Variants in GABRE observed in about 807,000 individuals in gnomAD.
GABRE encodes the protein gamma-aminobutyric acid type A receptor subunit epsilon, also known as gamma-aminobutyric acid receptor subunit epsilon.
Under a neutral mutation model 31.0 loss-of-function variants are expected in GABRE, and 20 were observed. That is an observed-to-expected ratio of 0.64 (90% CI 0.45 to 0.94). The LOEUF is 0.94. Ranked by LOEUF, GABRE falls within the 40% of genes least tolerant of loss-of-function variation. The pLI, the probability that GABRE is intolerant of heterozygous loss-of-function variation, is 0.00. For synonymous variants in GABRE, 155 were observed against 150.6 expected (o/e 1.03, Z -0.21); for missense variants, 420 against 410.7 (o/e 1.02, Z -0.20).
chrX:151,969,885 C>G, intron 2 of GABRE, 149 bp from the exon 3 acceptor site: 2 of 1,084,223 alleles, frequency 1.8e-6, no homozygotes, highest in Non-Finnish European at 2.4e-6. Flanking sequence ...TTTATTCTTT[C>G]ATGGCAAAAC....
rs369625982 is a variant in GABRE, at chrX:151,969,725, C to T, written c.286G>A (p.Val96Met). ...TTGACGGAGATCTCAACAGTGACCA[C>T]AGTGGGCTTCTCTATAAGGGAAGCA... Reference protein sequence around the residue: ...LRPGIGEKPTVVTVEISVNSL... With the variant: ...LRPGIGEKPTMVTVEISVNSL... Residue 96 changes from valine (V) to methionine (M), a missense_variant, in exon 3 of 9, where the codon GTG becomes ATG. Coordinates refer to ENST00000370328, the MANE Select transcript of GABRE (RefSeq NM_004961.4). 17 of 1,207,648 alleles carry T rather than the reference C, an allele frequency of 1.4e-5. No homozygotes were observed. The highest frequency in any genetic ancestry group is 1.1e-4 in the African/African-American group (6 of 56,887).
chrX:151,955,910 C>G, intron 6 of GABRE, 50 bp from the exon 7 acceptor site: 1 of 1,159,006 alleles, frequency 8.6e-7, no homozygotes, highest in Non-Finnish European at 1.2e-6. Flanking sequence ...CACGACGGTC[C>G]CCCTTAGCAG....
intron 1 of GABRE, 68 bp from the exon 2 acceptor site, chrX:151,970,470 G>A: frequency 1.8e-6 from 2 of 1,126,899 alleles, no homozygotes; most frequent in Non-Finnish European, 2.4e-6. Flanking sequence ...AGTGCCTCTT[G>A]GGACAGAAGC....
chrX:151,967,509 C>A (rs1224048373), intron 3 of GABRE, among the ~76,000 whole-genome samples: 1 of 112,019 alleles, frequency 8.9e-6, no homozygotes. Flanking sequence ...TCAACAGTGA[C>A]AACAATGGTG....
At chrX:151,957,275 GTAC>G (rs1464992105) in intron 6 of GABRE, 1 of 234,426 alleles carries the variant, frequency 4.3e-6, no homozygotes, top group Non-Finnish European at 7.9e-6. Flanking sequence ...GCAGCCTTTC[GTAC>G]TCACCTTGGC....
rs1934144359 is a variant in GABRE, at chrX:151,955,732, A to C, written c.913T>G (p.Ser305Ala). ...SWVSFWIKTE[S>A]APARTSLGIT... ...CCTAGAGAGGTCCGGGCTGGAGCAG[A>C]CTCTGTCTTGATCCAAAAGGAAACC... Residue 305 changes from serine (S) to alanine (A), a missense_variant, in exon 7 of 9, where the codon TCT (serine) becomes GCT (alanine). Ser to Ala is a moderately conservative substitution (Grantham distance 99). Transcript: ENST00000370328. The C allele has an allele frequency of 8.3e-7, 1 of 1,211,780 alleles. No individual in the cohort carries two copies. Among genetic ancestry groups the C allele is most frequent in the Non-Finnish European group, 1.1e-6 (1 of 895,515 alleles).
Position 151,974,675 on chromosome X carries a change from C to T in GABRE, c.-50G>A. 3 of 942,665 alleles carry T rather than the reference C, an allele frequency of 3.2e-6. No individual in the cohort carries two copies. Among genetic ancestry groups the T allele is most frequent in the Non-Finnish European group, 4.4e-6 (3 of 674,867 alleles). The allele number at this position is 942,665 out of a possible 1,213,427, so 77.7% of individuals were successfully genotyped here. On this transcript the variant is annotated 5_prime_UTR_variant, in exon 1 of 9. Transcript: ENST00000370328. Reference sequence around the variant, plus strand: ...CTGCGCGGAGGTCGCGGCTCACGCTCTGGCCGCACTGAGCGCGGGGCGGAG... The same window carrying T: ...CTGCGCGGAGGTCGCGGCTCACGCTTTGGCCGCACTGAGCGCGGGGCGGAG...
At chrX:151,963,708 G>A (rs976646661) in intron 3 of GABRE, among the ~76,000 whole-genome samples, 1 of 112,399 alleles carries the variant, frequency 8.9e-6, no homozygotes, top group African/African-American at 3.2e-5. Flanking sequence ...AGGTATACAT[G>A]ATCAACATGA....
intron 3 of GABRE, 132 bp from the exon 4 acceptor site, chrX:151,962,775 C>A: frequency 5.7e-6 from 3 of 527,447 alleles, no homozygotes; most frequent in Non-Finnish European, 9.6e-6. Context: ...GAGCACTAGA[C>A]CAGGAAGCAG....
chrX:151,966,966 G>A (rs924008430), intron 3 of GABRE, among the ~76,000 whole-genome samples: 3 of 111,905 alleles, frequency 2.7e-5, no homozygotes, highest in African/African-American at 9.8e-5. Context: ...GAGAGACAGC[G>A]CATTCAGCTA....
At chrX:151,974,502 G>T in intron 1 of GABRE, 68 bp downstream of exon 1, 1 of 754,332 alleles carries the variant, frequency 1.3e-6, no homozygotes, top group Non-Finnish European at 1.9e-6. Flanking sequence ...GGTCCCGGGA[G>T]CCGTCCCGGC....
At chrX:151,971,928 A>C (rs1264065114) in intron 1 of GABRE, 1 of 185,055 alleles carries the variant, frequency 5.4e-6, no homozygotes, top group Non-Finnish European at 7.4e-6. Flanking sequence ...GGGGGTTGCA[A>C]TGCTGTATTT....
In GABRE at chrX:151,954,540, G is replaced by A; in HGVS notation, c.*161C>T. The A allele has an allele frequency of 2.3e-6, 1 of 443,743 alleles. No individual in the cohort carries two copies. The highest frequency in any genetic ancestry group is 3.8e-5 in the East Asian group (1 of 26,204). 36.6% of individuals were successfully genotyped at this position (443,743 alleles called of 1,213,427 possible). A position where few individuals can be genotyped will look rare whatever the true frequency, so the allele number is the denominator to read the frequency against. On this transcript the variant is annotated 3_prime_UTR_variant, in exon 9 of 9. Coordinates refer to ENST00000370328, the MANE Select transcript of GABRE (RefSeq NM_004961.4). ...TGAATGGGCCAGGTAGGGGAGAGGG[G>A]CAGCAAAGACAAACCCTCTGCAAGC...
intron 1 of GABRE, chrX:151,972,662 A>G (rs1161972443): frequency 3.8e-5 from 29 of 753,592 alleles, no homozygotes; most frequent in East Asian, 1.5e-4. Flanking sequence ...TGCAATAAAA[A>G]TGATATCAGA....
chrX:151,969,770 G>T, intron 2 of GABRE, 34 bp from the exon 3 acceptor site: 2 of 1,203,925 alleles, frequency 1.7e-6, no homozygotes, highest in Non-Finnish European at 2.2e-6. Flanking sequence ...GAGGGTAAGT[G>T]TCAAACAGGC....
intron 1 of GABRE, 133 bp downstream of exon 1, chrX:151,974,437 C>T (rs1260092857): frequency 2.4e-6 from 1 of 413,718 alleles, no homozygotes; most frequent in Non-Finnish European, 4.0e-6. Context: ...TCGGCCAGCC[C>T]GCGGTAGGGC....
chrX:151,972,743 A>C, intron 1 of GABRE: 4 of 609,830 alleles, frequency 6.6e-6, no homozygotes, highest in Non-Finnish European at 7.9e-6. Context: ...ACAATAAACA[A>C]ACAAAACAAA....
chrX:151,967,609 A>T (rs746477628), intron 3 of GABRE, among the ~76,000 whole-genome samples: 9 of 112,592 alleles, frequency 8.0e-5, no homozygotes, highest in Non-Finnish European at 1.3e-4. Context: ...TGCTAAATTC[A>T]TACCCATTTT....
At chrX:151,972,076 C>G (rs897482426) in intron 1 of GABRE, 1 of 751,054 alleles carries the variant, frequency 1.3e-6, no homozygotes, top group African/African-American at 2.3e-5. Context: ...AATTTGTTTC[C>G]TAAAATAAGG....
Sources: allele counts gnomAD v4.1 joint callset (sites outside exome capture counted in the v4.1 genomes callset), GRCh38; gene constraint gnomAD v4.1.1; transcripts MANE v1.5; gene names NCBI Gene and HGNC (gene_info 2026-07-23, HGNC 2026-07-21).